Variants in PTPN11 observed in about 807,000 individuals in gnomAD.
PTPN11 encodes the protein protein tyrosine phosphatase non-receptor type 11, also known as tyrosine-protein phosphatase non-receptor type 11.
Under a neutral mutation model 78.8 loss-of-function variants are expected in PTPN11, and 6 were observed. That is an observed-to-expected ratio of 0.08 (90% CI 0.04 to 0.15). The LOEUF (loss-of-function observed/expected upper bound fraction) is 0.15, where lower values mean the gene tolerates loss of function less well. PTPN11 is among the 10% of genes least tolerant of loss of function. PTPN11 has a pLI of 1.00. For synonymous variants in PTPN11, 221 were observed against 263.5 expected (o/e 0.84, Z 1.56); for missense variants, 386 against 744.8 (o/e 0.52, Z 5.61).
chr12:112,464,583 C>G (rs1198147877), intron 6 of PTPN11, among the ~76,000 whole-genome samples: 1 of 152,094 alleles, frequency 6.6e-6, no homozygotes. Flanking sequence ...CCACCACTCT[C>G]AGCTAATTTT....
intron 1 of PTPN11, among the ~76,000 whole-genome samples, chr12:112,423,182 G>A (rs574933953): frequency 1.3e-5 from 2 of 152,302 alleles, no homozygotes; most frequent in Non-Finnish European, 2.9e-5. Flanking sequence ...ACTGAAATAG[G>A]AAAAATACTA....
intron 6 of PTPN11, among the ~76,000 whole-genome samples, chr12:112,468,214 A>G (rs2038359836): frequency 6.6e-6 from 1 of 152,138 alleles, no homozygotes; most frequent in East Asian, 1.9e-4. Context: ...AAGGATGGAG[A>G]TGCGGTGACA....
chr12:112,480,653 C>T (rs1198633578), intron 9 of PTPN11, among the ~76,000 whole-genome samples: 1 of 152,178 alleles, frequency 6.6e-6, no homozygotes, highest in Non-Finnish European at 1.5e-5. Context: ...AGCCACTGCG[C>T]CCAACCAAGA....
At chr12:112,496,932 G>T (rs2135924564) in intron 13 of PTPN11, among the ~76,000 whole-genome samples, 1 of 152,104 alleles carries the variant, frequency 6.6e-6, no homozygotes, top group East Asian at 1.9e-4. Context: ...AGCACTTTGG[G>T]AGGCTGAGGT....
chr12:112,450,335 C>T lies in PTPN11; in HGVS notation c.155C>T (p.Thr52Ile), dbSNP rs397507503. 1.2e-6 allele frequency: 2 copies of T among 1,611,580 alleles called. No homozygotes were observed. Among genetic ancestry groups the T allele is most frequent in the Non-Finnish European group, 1.7e-6 (2 of 1,177,754 alleles). The change falls in exon 3 of 16, where the codon ACC (threonine) becomes ATC (isoleucine). Residue 52 changes from threonine (T) to isoleucine (I), a missense_variant. By Grantham distance (89) the Thr-to-Ile change is moderately conservative. This residue lies in a region of PTPN11 where 279 missense variants were observed against 503.3 expected (regional missense o/e 0.55). Coordinates refer to ENST00000351677, the MANE Select transcript of PTPN11 (RefSeq NM_002834.5). The part of the protein sequence containing the change: ...TLSVRRNGAV[T>I]HIKIQNTGDY... ...TATTTTAGAAGAAATGGAGCTGTCA[C>T]CCACATCAAGATTCAGAACACTGGT...
chr12:112,440,686 G>A (rs1176917354), intron 1 of PTPN11, among the ~76,000 whole-genome samples: 4 of 146,814 alleles, frequency 2.7e-5, no homozygotes, highest in Non-Finnish European at 5.9e-5. Flanking sequence ...TGATTCTCCT[G>A]CCTCAGCCTC....
chr12:112,452,562 C>T (rs945746142), intron 3 of PTPN11, among the ~76,000 whole-genome samples: 1 of 150,700 alleles, frequency 6.6e-6, no homozygotes, highest in African/African-American at 2.4e-5. Flanking sequence ...GGGTCTTGCT[C>T]TGTCACCCAA....
chr12:112,502,096 C>T (rs748453589), intron 13 of PTPN11, 48 bp from the exon 14 acceptor site: 34 of 1,455,912 alleles, frequency 2.3e-5, no homozygotes, highest in Non-Finnish European at 3.2e-5. Flanking sequence ...CTTTTTATCC[C>T]CTTAAAATAA....
chr12:112,489,719 T>C (rs910908923), intron 13 of PTPN11, among the ~76,000 whole-genome samples: 14 of 152,192 alleles, frequency 9.2e-5, no homozygotes, highest in African/African-American at 3.1e-4. Flanking sequence ...TAATTAGGAA[T>C]ATGCTGAGAT....
At chr12:112,430,987 A>T (rs528269522) in intron 1 of PTPN11, among the ~76,000 whole-genome samples, 1 of 152,360 alleles carries the variant, frequency 6.6e-6, no homozygotes, top group African/African-American at 2.4e-5. Flanking sequence ...ATTAAAAACA[A>T]TGACCATCTT....
At chr12:112,442,690 G>A (rs968003620) in intron 1 of PTPN11, among the ~76,000 whole-genome samples, 18 of 150,242 alleles carry the variant, frequency 1.2e-4, no homozygotes, top group African/African-American at 4.4e-4. Flanking sequence ...GACCTCAGGT[G>A]GTCCACCTGC....
Position 112,433,780 on chromosome 12 carries a change from A to G in PTPN11, c.15-12496A>G, listed in dbSNP as rs189020075. On this transcript the variant is annotated intron_variant, in intron 1 of 15. Transcript: ENST00000351677. Reference sequence around the variant, plus strand: ...AGCCTGGGCAACATAGCAAGACCCTATCTCTACAAAGGAAAAATAAAACAA... The same window carrying G: ...AGCCTGGGCAACATAGCAAGACCCTGTCTCTACAAAGGAAAAATAAAACAA... Among the ~76,000 whole-genome samples the G allele has an allele frequency of 8.2e-4, 125 of 152,282 alleles. 1 individual carries two copies. The highest frequency in any genetic ancestry group is 2.6e-3 in the African/African-American group (108 of 41,574).
chr12:112,492,347 G>C (rs2038756447), intron 13 of PTPN11, among the ~76,000 whole-genome samples: 1 of 152,000 alleles, frequency 6.6e-6, no homozygotes, highest in Admixed American at 6.6e-5. Flanking sequence ...GGGACTACAG[G>C]CGTAGCAAAA....
chr12:112,464,446 T>A (rs967593525), intron 6 of PTPN11, among the ~76,000 whole-genome samples: 1 of 152,178 alleles, frequency 6.6e-6, no homozygotes, highest in Non-Finnish European at 1.5e-5. Context: ...TAGTTATTAT[T>A]ATTTTTGAGA....
intron 7 of PTPN11, among the ~76,000 whole-genome samples, chr12:112,474,897 T>C (rs1416685803): frequency 4.0e-5 from 6 of 151,880 alleles, no homozygotes. Context: ...TCCCAAAGTG[T>C]TGGGATTACA....
Position 112,504,720 on chromosome 12 carries a change from T to C in PTPN11, c.1738T>C (p.Tyr580His). Residue 580 changes from tyrosine (Y) to histidine (H), a missense_variant, in exon 15 of 16, where the codon TAT (tyrosine) becomes CAT (histidine). Physicochemically the swap from Tyr to His is moderately conservative, Grantham distance 83. This residue lies in a region of PTPN11 where 44 missense variants were observed against 59.3 expected (regional missense o/e 0.74). Transcript: ENST00000351677. The surrounding 1 kb of genome is among the most constrained non-coding windows in gnomAD (Gnocchi z 4.7). Reference protein sequence around the residue: ...AEMREDSARVYENVGLMQQQK... With the variant: ...AEMREDSARVHENVGLMQQQK... Reference sequence around the variant, plus strand: ...AATGAGAGAAGACAGTGCTAGAGTCTATGAAAACGTGGGCCTGATGCAACA... The same window carrying C: ...AATGAGAGAAGACAGTGCTAGAGTCCATGAAAACGTGGGCCTGATGCAACA... The C allele has an allele frequency of 6.3e-7, 1 of 1,591,284 alleles. No individual in the cohort carries two copies. The highest frequency in any genetic ancestry group is 8.6e-7 in the Non-Finnish European group (1 of 1,159,508).
intron 1 of PTPN11, among the ~76,000 whole-genome samples, chr12:112,437,485 T>C (rs376003581): frequency 5.9e-5 from 9 of 152,302 alleles, no homozygotes; most frequent in African/African-American, 1.9e-4. Flanking sequence ...ATATGTGATA[T>C]GATGTATGGT....
Position 112,477,630 on chromosome 12 carries a change from CG to C in PTPN11, c.854-20del. On this transcript the variant is annotated intron_variant, in intron 7 of 15. Coordinates refer to ENST00000351677, the MANE Select transcript of PTPN11 (RefSeq NM_002834.5). ...TGAAGCAGTCCAGGACTTATGTGACCGTGGTCTCTTTTTCTTCTAGTTGATC... is the reference window on the plus strand; with the variant it reads ...TGAAGCAGTCCAGGACTTATGTGACCTGGTCTCTTTTTCTTCTAGTTGATC... 1 of 1,584,808 alleles carries C rather than the reference CG, an allele frequency of 6.3e-7. No individual in the cohort carries two copies. The highest frequency in any genetic ancestry group is 8.7e-7 in the Non-Finnish European group (1 of 1,154,978).
chr12:112,462,392 C>T (rs2038262025), intron 6 of PTPN11, among the ~76,000 whole-genome samples: 2 of 152,042 alleles, frequency 1.3e-5, no homozygotes, highest in Middle Eastern at 3.4e-3. Flanking sequence ...GTGCCTTAGA[C>T]TCATTTGTAA....
Sources: gnomAD v4.1 joint callset for allele counts (sites outside exome capture counted in the v4.1 genomes callset) on GRCh38, gnomAD v4.1.1 for gene constraint, gnomAD v4.1.1 regional missense constraint, Gnocchi (gnomAD v3.1) non-coding constraint, MANE v1.5 for transcripts, NCBI Gene and HGNC (gene_info 2026-07-23, HGNC 2026-07-21) for gene names.